Variants in PIGG observed in about 807,000 individuals in gnomAD.
PIGG encodes phosphatidylinositol glycan anchor biosynthesis class G (EMM blood group), also known as GPI ethanolamine phosphate transferase 2, catalytic subunit.
A neutral mutation model predicts 83.2 loss-of-function variants in PIGG; 70 were observed. The ratio of observed to expected loss-of-function variants is 0.84; its 90% CI spans 0.69 to 1.03. PIGG has a LOEUF of 1.03. Ranked by LOEUF, PIGG falls within the 50% of genes least tolerant of loss-of-function variation. The pLI is 0.00. For missense variants in PIGG, 1,257 were observed against 1,233.6 expected (o/e 1.02, Z -0.28); for synonymous variants, 532 against 519.5 (o/e 1.02, Z -0.33).
At position 515,955 on chromosome 4, in the gene PIGG, A is replaced by G. The variant is rs1302325028; in HGVS notation, c.902-18A>G. 6.3e-7 allele frequency: 1 copy of G among 1,599,334 alleles called. No individual in the cohort carries two copies. Among genetic ancestry groups the G allele is most frequent in the Non-Finnish European group, 8.6e-7 (1 of 1,166,642 alleles). On this transcript the variant is annotated intron_variant, in intron 5 of 12. Transcript: ENST00000453061. This position sits in a 1 kb window ranked among gnomAD's most constrained non-coding sequence, Gnocchi z 4.2. Reference sequence around the variant, plus strand: ...ACTTTCTAGAAGTCTGTTACTTAAAATGTTTTCTTTCTTCTAGGTGATATC... The same window carrying G: ...ACTTTCTAGAAGTCTGTTACTTAAAGTGTTTTCTTTCTTCTAGGTGATATC...
intron 12 of PIGG, among the ~76,000 whole-genome samples, chr4:538,132 A>G (rs1400479203): frequency 2.0e-5 from 3 of 152,176 alleles, no homozygotes; most frequent in Non-Finnish European, 2.9e-5. Flanking sequence ...ACCCAGACAC[A>G]CACACGTGCC....
chr4:513,553 C>A (rs1303416134), intron 5 of PIGG, among the ~76,000 whole-genome samples: 1 of 152,152 alleles, frequency 6.6e-6, no homozygotes, highest in Non-Finnish European at 1.5e-5. Flanking sequence ...TTATTTTCGG[C>A]CTCTTGCTAC....
rs761459311 is a variant in PIGG, at chr4:523,716, C to G, written c.1872C>G (p.Asp624Glu). 59 of 1,614,102 alleles carry G rather than the reference C, an allele frequency of 3.7e-5. No individual in the cohort carries two copies. The highest frequency in any genetic ancestry group is 4.9e-5 in the Non-Finnish European group (58 of 1,180,054). Residue 624 changes from aspartate to glutamate, a missense_variant, in exon 9 of 13, where the codon GAC (aspartate) becomes GAG (glutamate). Transcript: ENST00000453061. ...ACGGGGCCACAGCAGCGTGGCAGGA[C>G]GGGCCTGGCTGTGATGTCCTGGAGC... ...GHDGATAAWQ[D>E]GPGCDVLERD... is the part of the protein sequence containing the mutation.
At chr4:504,642 G>A (rs553037948) in intron 2 of PIGG, among the ~76,000 whole-genome samples, 2 of 152,120 alleles carry the variant, frequency 1.3e-5, no homozygotes, top group Admixed American at 6.5e-5. Flanking sequence ...AAGATGTCTC[G>A]GTAAAATTAT....
chr4:500,817 C>G (rs1349244462), intron 2 of PIGG, among the ~76,000 whole-genome samples: 6 of 152,180 alleles, frequency 3.9e-5, no homozygotes, highest in African/African-American at 1.4e-4. Flanking sequence ...GCTCATGCTT[C>G]ATGGCAAATA....
In PIGG at chr4:528,137, G is replaced by A. The variant is rs991507455; in HGVS notation, c.2261+907G>A. 2.0e-6 allele frequency: 2 copies of A among 985,422 alleles called. No individual in the cohort carries two copies. Among genetic ancestry groups the A allele is most frequent in the Non-Finnish European group, 1.2e-6 (1 of 829,918 alleles). The allele number at this position is 985,422 out of a possible 1,614,324, so 61.0% of individuals were successfully genotyped here. ...CTCAGTGAGGTCGGTGCTCTGCAGA[G>A]GGGTCTTCTGGCTGTTAGGCAGCCT... On this transcript the variant is annotated intron_variant, in intron 10 of 12. Coordinates refer to ENST00000453061, the MANE Select transcript of PIGG (RefSeq NM_001127178.3). This position sits in a 1 kb window ranked among gnomAD's most constrained non-coding sequence, Gnocchi z 4.8.
At position 530,652 on chromosome 4, in the gene PIGG, A is replaced by G. The variant is rs371928783; in HGVS notation, c.2478A>G (p.Leu826=). 2.5e-6 allele frequency: 4 copies of G among 1,613,386 alleles called. No individual in the cohort carries two copies. The highest frequency in any genetic ancestry group is 1.7e-5 in the Admixed American group (1 of 60,002). The change falls in exon 11 of 13, where the codon CTA becomes CTG. Residue 826 remains leucine, a synonymous_variant. Transcript: ENST00000453061. ...VLAFSLLIQT[L]MTKFIWKPLR... ...CATTTAGCCTCTTGATTCAGACTCT[A>G]ATGACTAAATTCATCTGGAAGCCCC...
rs925586786 is a variant in PIGG at position 515,540 on chromosome 4, G to A, written c.902-433G>A. On this transcript the variant is annotated intron_variant, in intron 5 of 12. Coordinates refer to ENST00000453061, the MANE Select transcript of PIGG (RefSeq NM_001127178.3). This position sits in a 1 kb window ranked among gnomAD's most constrained non-coding sequence, Gnocchi z 4.2. ...ATTTTCTCCATGAGCAACAGCATGT[G>A]TGCTCGTAGAGGGCAGAGCATGGGA... 1.3e-5 allele frequency among the ~76,000 whole-genome samples: 2 copies of A among 152,254 alleles called. No individual in the cohort carries two copies. Among genetic ancestry groups the A allele is most frequent in the African/African-American group, 4.8e-5 (2 of 41,468 alleles).
chr4:527,448 A>T (rs543195314), intron 10 of PIGG: 2 of 1,307,756 alleles, frequency 1.5e-6, no homozygotes, highest in African/African-American at 3.1e-5. Context: ...AGCACTTTTT[A>T]TGTTTTATGT....
intron 10 of PIGG, chr4:527,818 G>T: frequency 2.0e-6 from 2 of 985,194 alleles, no homozygotes; most frequent in Non-Finnish European, 2.4e-6. Flanking sequence ...ATTGTGTTGT[G>T]GTGGTGAACA....
chr4:518,003 G>A (rs1295078127), intron 6 of PIGG, among the ~76,000 whole-genome samples: 2 of 152,156 alleles, frequency 1.3e-5, no homozygotes, highest in South Asian at 2.1e-4. Flanking sequence ...TAGAGTGAAC[G>A]TCCACAAGCT....
chr4:516,068 A>C lies in PIGG; in HGVS notation c.997A>C (p.Ser333Arg), dbSNP rs752709027. 2 of 1,614,050 alleles carry C rather than the reference A, an allele frequency of 1.2e-6. No homozygotes were observed. The change falls in exon 6 of 13, where the codon AGC becomes CGC. Residue 333 changes from serine to arginine, a missense_variant. Transcript: ENST00000453061. ...ACCGATTCCAAAAGACAGTGTAGGG[A>C]GCCTCCTATTCCCAGTTGTGGAAGG... ...GLPIPKDSVG[S>R]LLFPVVEGRP...
chr4:516,167 G>T lies in PIGG; in HGVS notation c.1096G>T (p.Val366Leu), dbSNP rs772529201. The change falls in exon 6 of 13, where the codon GTG becomes TTG. Residue 366 changes from valine (V) to leucine (L), a missense_variant. Coordinates refer to ENST00000453061, the MANE Select transcript of PIGG (RefSeq NM_001127178.3). ...VQLSKLLQENVPSYEKDPGFE... is the reference protein window; with the variant it reads ...VQLSKLLQENLPSYEKDPGFE... ...GCTTAGTAAACTGTTGCAAGAGAATGTGCCGTCATATGAAAAAGGTCAGTC... is the reference window on the plus strand; with the variant it reads ...GCTTAGTAAACTGTTGCAAGAGAATTTGCCGTCATATGAAAAAGGTCAGTC... The T allele has an allele frequency of 6.2e-7, 1 of 1,613,224 alleles. No individual in the cohort carries two copies. Among genetic ancestry groups the T allele is most frequent in the South Asian group, 1.1e-5 (1 of 91,066 alleles).
At chr4:526,232 G>T (rs1727564129) in intron 9 of PIGG, among the ~76,000 whole-genome samples, 1 of 152,164 alleles carries the variant, frequency 6.6e-6, no homozygotes, top group African/African-American at 2.4e-5. Flanking sequence ...CATTTAAAAA[G>T]CAACAATACA....
intron 12 of PIGG, among the ~76,000 whole-genome samples, chr4:535,461 T>A (rs893146524): frequency 1.6e-4 from 16 of 102,210 alleles, no homozygotes; most frequent in African/African-American, 7.8e-4. Context: ...GGCGAGCGTC[T>A]GGGACACTGA....
chr4:536,076 T>G (rs1488598635), intron 12 of PIGG, among the ~76,000 whole-genome samples: 1 of 152,118 alleles, frequency 6.6e-6, no homozygotes, highest in Admixed American at 6.5e-5. Context: ...TCACGTCCTG[T>G]GTTGAGGCTC....
intron 2 of PIGG, chr4:500,975 T>C: frequency 2.6e-6 from 1 of 388,968 alleles, no homozygotes; most frequent in East Asian, 6.9e-5. Context: ...CTAGACTTTA[T>C]AGATAGGAAA....
At chr4:499,638 C>A in intron 1 of PIGG, 149 bp downstream of exon 1, 2 of 1,420,022 alleles carry the variant, frequency 1.4e-6, no homozygotes, top group Non-Finnish European at 1.8e-6. Flanking sequence ...TTTTTAACCG[C>A]TCCAGCGTCT....
chr4:506,028 G>T, intron 3 of PIGG, 101 bp downstream of exon 3: 1 of 814,260 alleles, frequency 1.2e-6, no homozygotes, highest in South Asian at 1.8e-5. Flanking sequence ...TTTATATTTG[G>T]TTTTATTAAT....
Sources: allele counts gnomAD v4.1 joint callset (sites outside exome capture counted in the v4.1 genomes callset), GRCh38; gene constraint gnomAD v4.1.1; non-coding constraint Gnocchi (gnomAD v3.1); transcripts MANE v1.5; gene names NCBI Gene and HGNC (gene_info 2026-07-23, HGNC 2026-07-21).